PLCH1: variants seen among roughly 807,000 people sequenced by gnomAD.
PLCH1 encodes the protein 1-phosphatidylinositol 4,5-bisphosphate phosphodiesterase eta-1.
A neutral mutation model predicts 126.7 loss-of-function variants in PLCH1; 60 were observed. The ratio of observed to expected loss-of-function variants is 0.47; its 90% CI spans 0.38 to 0.59. The LOEUF (loss-of-function observed/expected upper bound fraction) is 0.59, where lower values mean the gene tolerates loss of function less well. PLCH1 is among the 20% of genes least tolerant of loss of function. The probability of loss-of-function intolerance (pLI) is 0.00; values close to 1 mark genes in which losing one functional copy is unlikely to be tolerated. For missense variants in PLCH1, 1,723 were observed against 2,040.0 expected (o/e 0.84, Z 2.99); for synonymous variants, 719 against 734.9 (o/e 0.98, Z 0.35).
chr3:155,682,502 A>C (rs1397255163), intron 2 of PLCH1, among the ~76,000 whole-genome samples: 3 of 152,212 alleles, frequency 2.0e-5, no homozygotes, highest in African/African-American at 7.2e-5. Context: ...CAATCTCATC[A>C]ATCCTATGTG....
intron 2 of PLCH1, among the ~76,000 whole-genome samples, chr3:155,624,409 G>C (rs1467779896): frequency 6.6e-6 from 1 of 152,146 alleles, no homozygotes; most frequent in Non-Finnish European, 1.5e-5. Context: ...AGGGCAATCA[G>C]GCAGGAGAAA....
At chr3:155,661,137 T>C (rs963839877) in intron 2 of PLCH1, among the ~76,000 whole-genome samples, 1 of 152,222 alleles carries the variant, frequency 6.6e-6, no homozygotes, top group Non-Finnish European at 1.5e-5. Context: ...TCATATACCA[T>C]ATAAGAGGCA....
At chr3:155,478,160 G>T (rs1023487999), downstream of PLCH1, among the ~76,000 whole-genome samples, 5 of 152,076 alleles carry the variant, frequency 3.3e-5, no homozygotes, top group African/African-American at 1.2e-4. Context: ...AACAAACATT[G>T]CATGTTCTCA....
intron 2 of PLCH1, among the ~76,000 whole-genome samples, chr3:155,602,173 A>G (rs924090857): frequency 6.6e-6 from 1 of 152,204 alleles, no homozygotes; most frequent in African/African-American, 2.4e-5. Flanking sequence ...CTATGAACTG[A>G]TATGGAGTAA....
chr3:155,602,734 C>T (rs1293558448), intron 2 of PLCH1, among the ~76,000 whole-genome samples: 1 of 152,134 alleles, frequency 6.6e-6, no homozygotes, highest in East Asian at 1.9e-4. Flanking sequence ...TATAATCTCA[C>T]AGGAACCACT....
intron 10 of PLCH1, among the ~76,000 whole-genome samples, chr3:155,542,917 A>T (rs541464283): frequency 7.9e-5 from 12 of 152,304 alleles, no homozygotes; most frequent in African/African-American, 2.4e-4. Context: ...CCAAAAGTAG[A>T]TAAAACCACA....
chr3:155,475,134 C>T (rs1203107916), downstream of PLCH1, among the ~76,000 whole-genome samples: 1 of 149,498 alleles, frequency 6.7e-6, no homozygotes, highest in Non-Finnish European at 1.5e-5. Flanking sequence ...GAGCACAATG[C>T]AATAAAACTA....
At chr3:155,687,634 T>C (rs977632356) in intron 2 of PLCH1, among the ~76,000 whole-genome samples, 1 of 152,162 alleles carries the variant, frequency 6.6e-6, no homozygotes, top group Non-Finnish European at 1.5e-5. Context: ...GAGAATATTA[T>C]TTCCCAGATG....
At chr3:155,499,749 G>A (rs1356359972) in intron 14 of PLCH1, among the ~76,000 whole-genome samples, 1 of 152,138 alleles carries the variant, frequency 6.6e-6, no homozygotes, top group African/African-American at 2.4e-5. Context: ...ACTTACATAT[G>A]ACAACAGTCA....
intron 10 of PLCH1, among the ~76,000 whole-genome samples, chr3:155,540,603 A>G (rs1266216333): frequency 1.3e-5 from 2 of 152,330 alleles, no homozygotes; most frequent in East Asian, 3.9e-4. Flanking sequence ...ACAATTCTCA[A>G]AAAAAGATAT....
At chr3:155,680,762 G>A (rs1332653282) in intron 2 of PLCH1, among the ~76,000 whole-genome samples, 1 of 152,118 alleles carries the variant, frequency 6.6e-6, no homozygotes, top group African/African-American at 2.4e-5. Context: ...TATATAGAAG[G>A]AAGTATCCTT....
At chr3:155,598,888 A>G (rs1477632407) in intron 2 of PLCH1, among the ~76,000 whole-genome samples, 1 of 152,134 alleles carries the variant, frequency 6.6e-6, no homozygotes, top group East Asian at 1.9e-4. Context: ...CCAAAGACCT[A>G]ACCCTCAGTG....
chr3:155,611,292 G>A (rs1218864988), intron 2 of PLCH1, among the ~76,000 whole-genome samples: 1 of 152,076 alleles, frequency 6.6e-6, no homozygotes, highest in Non-Finnish European at 1.5e-5. Context: ...AGGAGGCTGA[G>A]GCAGGGAGAA....
intron 2 of PLCH1, among the ~76,000 whole-genome samples, chr3:155,654,440 A>G (rs981574016): frequency 6.6e-6 from 1 of 152,102 alleles, no homozygotes; most frequent in Non-Finnish European, 1.5e-5. Context: ...CTTCCTGTCA[A>G]TGTCTCTACC....
chr3:155,462,081 GT>G (rs745436597), intron 21 of PLCH1, among the ~76,000 whole-genome samples: 35 of 152,232 alleles, frequency 2.3e-4, no homozygotes, highest in Non-Finnish European at 4.7e-4. Flanking sequence ...GACACATTGT[GT>G]TCCACTGAAC....
chr3:155,724,813 T>TTGTGTGTG (rs60805589), intron 1 of PLCH1, among the ~76,000 whole-genome samples: 11,208 of 140,000 alleles, frequency 0.08, 639 homozygotes, highest in East Asian at 0.23. Context: ...TTGGGGGGTT[T>TTGTGTGTG]TGTGTGTGTG....
At chr3:155,584,694 T>C (rs1731135047) in intron 5 of PLCH1, among the ~76,000 whole-genome samples, 1 of 152,246 alleles carries the variant, frequency 6.6e-6, no homozygotes, top group Admixed American at 6.5e-5. Flanking sequence ...TCAACTGTTA[T>C]ATGGTATTAA....
intron 2 of PLCH1, among the ~76,000 whole-genome samples, chr3:155,675,813 C>T (rs576214922): frequency 6.6e-6 from 1 of 151,938 alleles, no homozygotes; most frequent in Non-Finnish European, 1.5e-5. Context: ...TACATTTATA[C>T]GAAAAAAACA....
At chr3:155,725,703 G>A (rs1748271063) in intron 1 of PLCH1, among the ~76,000 whole-genome samples, 1 of 152,070 alleles carries the variant, frequency 6.6e-6, no homozygotes, top group African/African-American at 2.4e-5. Context: ...GCCTCCCAAA[G>A]TACAGGGATT....
Sources: allele counts gnomAD v4.1 joint callset (sites outside exome capture counted in the v4.1 genomes callset), GRCh38; gene constraint gnomAD v4.1.1; transcripts MANE v1.5; gene names NCBI Gene and HGNC (gene_info 2026-07-23, HGNC 2026-07-21).